Variants in PRKAR1B observed in about 807,000 individuals in gnomAD.
PRKAR1B encodes protein kinase cAMP-dependent type I regulatory subunit beta.
A neutral mutation model predicts 46.5 loss-of-function variants in PRKAR1B; 22 were observed. The observed-to-expected ratio is 0.47, with a 90% CI of 0.34 to 0.68. PRKAR1B has a LOEUF of 0.68. Among genes scored for constraint, PRKAR1B ranks in the 30% least tolerant of loss-of-function variants. The pLI is 0.01. For synonymous variants in PRKAR1B, 259 were observed against 217.7 expected (o/e 1.19, Z -1.67); for missense variants, 445 against 535.6 (o/e 0.83, Z 1.67).
intron 2 of PRKAR1B, among the ~76,000 whole-genome samples, chr7:705,882 C>A (rs140764808): frequency 2.0e-5 from 3 of 151,974 alleles, no homozygotes; most frequent in Non-Finnish European, 4.4e-5. Context: ...TAAAATTAGC[C>A]GGGCGTGGTG....
chr7:550,559 G>C lies in PRKAR1B; in HGVS notation c.1017C>G (p.Val339=). Residue 339 remains valine, a synonymous_variant, in exon 11 of 11, where the codon GTC becomes GTG. Coordinates refer to ENST00000537384, the MANE Select transcript of PRKAR1B (RefSeq NM_001164760.2). ...CACACTTGAGGGGCCCCCGGGCCAC[G>C]ACAGTGGCCGCCCGGGGCCGGTTCA... ...LLLNRPRAAT[V]VARGPLKCVK... The C allele has an allele frequency of 6.2e-7, 1 of 1,600,148 alleles. No individual in the cohort carries two copies. The highest frequency in any genetic ancestry group is 8.5e-7 in the Non-Finnish European group (1 of 1,174,658).
rs191382883 is a variant in PRKAR1B at position 709,563 on chromosome 7, G to A, written c.177+1766C>T. Among the ~76,000 whole-genome samples, 1,304 of 152,104 alleles carry A rather than the reference G, an allele frequency of 8.6e-3. 11 individuals are homozygous for A. Among genetic ancestry groups the A allele is most frequent in the Middle Eastern group, 0.031 (9 of 294 alleles). On this transcript the variant is annotated intron_variant, in intron 2 of 10. Transcript: ENST00000537384. Reference sequence around the variant, plus strand: ...TTTTTTGTATTTTTAGTAGAGACGCGGTTTCACTGTGTTAGCCAGGATGGT... The same window carrying A: ...TTTTTTGTATTTTTAGTAGAGACGCAGTTTCACTGTGTTAGCCAGGATGGT...
At chr7:697,984 CGGAGGGGAGT>C (rs1779848512) in intron 2 of PRKAR1B, among the ~76,000 whole-genome samples, 2 of 40,596 alleles carry the variant, frequency 4.9e-5, no homozygotes, top group Non-Finnish European at 8.8e-5. Context: ...GGGAAGGGAG[CGGAGGGGAGT>C]GGAGGGGAGG....
chr7:726,424 TA>T (rs1206458294), intron 1 of PRKAR1B, among the ~76,000 whole-genome samples: 1 of 152,106 alleles, frequency 6.6e-6, no homozygotes, highest in Non-Finnish European at 1.5e-5. Context: ...CAGGCTTCCC[TA>T]GGGGCAGGCC....
intron 2 of PRKAR1B, among the ~76,000 whole-genome samples, chr7:682,931 C>G (rs768065865): frequency 6.6e-6 from 1 of 152,170 alleles, no homozygotes. Context: ...ACAAGGCCCT[C>G]GCTCTCCCTC....
chr7:571,140 G>C (rs562563619), intron 9 of PRKAR1B, among the ~76,000 whole-genome samples: 9 of 152,292 alleles, frequency 5.9e-5, no homozygotes, highest in African/African-American at 1.9e-4. Flanking sequence ...GGAACTGAAA[G>C]GGCCACCACA....
chr7:724,966 G>A (rs754550330), intron 1 of PRKAR1B, among the ~76,000 whole-genome samples: 7 of 152,232 alleles, frequency 4.6e-5, no homozygotes, highest in African/African-American at 1.7e-4. Flanking sequence ...TGTAATCCCA[G>A]CACTCTGGGA....
intron 6 of PRKAR1B, among the ~76,000 whole-genome samples, chr7:597,508 A>G (rs2128457404): frequency 6.6e-6 from 1 of 152,276 alleles, no homozygotes; most frequent in African/African-American, 2.4e-5. Context: ...GGCAGAAGAA[A>G]CACCAGCTTC....
At chr7:625,623 T>A (rs112574381) in intron 4 of PRKAR1B, among the ~76,000 whole-genome samples, 4 of 152,146 alleles carry the variant, frequency 2.6e-5, no homozygotes, top group African/African-American at 9.6e-5. Flanking sequence ...TCACTACAGG[T>A]CCCATGGACA....
intron 8 of PRKAR1B, among the ~76,000 whole-genome samples, chr7:583,668 C>CA (rs1488312990): frequency 1.5e-5 from 2 of 133,534 alleles, no homozygotes; most frequent in East Asian, 4.2e-4. Context: ...GCGCACACAC[C>CA]CACACACAAC....
At chr7:563,535 T>G (rs1329168104) in intron 9 of PRKAR1B, among the ~76,000 whole-genome samples, 1 of 152,076 alleles carries the variant, frequency 6.6e-6, no homozygotes, top group African/African-American at 2.4e-5. Context: ...GCACGCTGGG[T>G]GTGTGTGTGC....
At chr7:712,852 AG>A (rs1344149454) in intron 1 of PRKAR1B, 1 of 151,396 alleles carries the variant, frequency 6.6e-6, no homozygotes, top group Non-Finnish European at 1.5e-5. Flanking sequence ...GCTCACACCT[AG>A]GGGATCACAT....
chr7:724,317 C>A (rs1169926986), intron 1 of PRKAR1B, among the ~76,000 whole-genome samples: 1 of 152,162 alleles, frequency 6.6e-6, no homozygotes, highest in African/African-American at 2.4e-5. Context: ...GGGAAGGACC[C>A]AGTGGGAGGT....
At chr7:719,516 A>G (rs962484226) in intron 1 of PRKAR1B, among the ~76,000 whole-genome samples, 6 of 152,058 alleles carry the variant, frequency 3.9e-5, no homozygotes, top group Non-Finnish European at 7.4e-5. Context: ...AGGTGTCACT[A>G]TTTGGCCCAG....
At chr7:701,879 G>A (rs945034986) in intron 2 of PRKAR1B, among the ~76,000 whole-genome samples, 3 of 152,198 alleles carry the variant, frequency 2.0e-5, no homozygotes, top group African/African-American at 7.2e-5. Flanking sequence ...AGTTCTTCAG[G>A]CTGGTGGGGG....
upstream of PRKAR1B, among the ~76,000 whole-genome samples, chr7:728,747 G>A (rs145248762): frequency 1.3e-5 from 2 of 152,336 alleles, no homozygotes; most frequent in East Asian, 3.9e-4. Context: ...TGGGGTATGT[G>A]CTCACTGGTT....
intron 2 of PRKAR1B, among the ~76,000 whole-genome samples, chr7:693,036 A>C (rs144414158): frequency 6.6e-6 from 1 of 150,928 alleles, no homozygotes; most frequent in Admixed American, 6.6e-5. Context: ...CCGGTTTCAC[A>C]CCTTTCTCCT....
At chr7:604,311 C>G (rs1347286835) in intron 6 of PRKAR1B, among the ~76,000 whole-genome samples, 1 of 152,212 alleles carries the variant, frequency 6.6e-6, no homozygotes, top group Non-Finnish European at 1.5e-5. Context: ...GGCAGCTGAG[C>G]CCAGGGTTGA....
At chr7:598,496 TCACCCTCCAG>T (rs1424653833) in intron 6 of PRKAR1B, among the ~76,000 whole-genome samples, 1 of 60,974 alleles carries the variant, frequency 1.6e-5, no homozygotes, top group Non-Finnish European at 3.0e-5. Context: ...CTAAACACCA[TCACCCTCCAG>T]CACCCTCCAC....
Sources: gnomAD v4.1 joint callset for allele counts (sites outside exome capture counted in the v4.1 genomes callset) on GRCh38, gnomAD v4.1.1 for gene constraint, MANE v1.5 for transcripts, NCBI Gene and HGNC (gene_info 2026-07-23, HGNC 2026-07-21) for gene names.